The following MACF1 variants were observed in gnomAD, a reference collection of about 807,000 sequenced individuals.
MACF1 encodes microtubule actin crosslinking factor 1.
Under a neutral mutation model 854.8 loss-of-function variants are expected in MACF1, and 193 were observed. The observed-to-expected ratio is 0.23, with a 90% CI of 0.20 to 0.25. MACF1 has a LOEUF of 0.25. MACF1 is among the 10% of genes least tolerant of loss of function. MACF1 has a pLI of 1.00. For missense variants in MACF1, 7,722 were observed against 8,929.1 expected (o/e 0.86, Z 5.45); for synonymous variants, 3,185 against 3,226.7 (o/e 0.99, Z 0.44).
chr1:39,358,977 T>G (rs1445045327), intron 46 of MACF1, 104 bp downstream of exon 46: 1 of 1,428,792 alleles, frequency 7.0e-7, no homozygotes, highest in Non-Finnish European at 9.5e-7. Context: ...AGGCAGTGGT[T>G]GGGATGCCTT....
chr1:39,372,271 A>G lies in MACF1; in HGVS notation c.13096-208A>G, dbSNP rs576378505. 1.5e-3 allele frequency among the ~76,000 whole-genome samples: 232 copies of G among 152,364 alleles called. 1 individual carries two copies. The highest frequency in any genetic ancestry group is 5.2e-3 in the African/African-American group (217 of 41,592). On this transcript the variant is annotated intron_variant, in intron 51 of 100. Transcript: ENST00000564288. ...CTGAGCTTCTGGTTTTAGAAATTGT[A>G]TCATAATTCTATTTTGTACCCCAGT... is the stretch of plus-strand genomic sequence containing the variant.
intron 2 of MACF1, among the ~76,000 whole-genome samples, chr1:39,234,855 C>T (rs1644839358): frequency 2.1e-5 from 1 of 48,094 alleles, no homozygotes; most frequent in African/African-American, 4.3e-5. Context: ...AGGTGCTCCT[C>T]ACATCCCAGA....
chr1:39,481,823 G>T (rs1275860045), intron 99 of MACF1, among the ~76,000 whole-genome samples: 1 of 152,174 alleles, frequency 6.6e-6, no homozygotes, highest in African/African-American at 2.4e-5. Flanking sequence ...GTCTTGGAAA[G>T]CCTTAGCCAG....
chr1:39,382,230 G>C (rs1337884226), intron 56 of MACF1, 78 bp downstream of exon 56: 2 of 1,349,728 alleles, frequency 1.5e-6, no homozygotes, highest in Non-Finnish European at 2.1e-6. Flanking sequence ...TAGATTTCAT[G>C]TGATCCTGGA....
At position 39,385,598 on chromosome 1, in the gene MACF1, C is replaced by G. The variant is rs1193027722; in HGVS notation, c.14013C>G (p.Leu4671=). The G allele has an allele frequency of 6.2e-7, 1 of 1,614,156 alleles. No individual in the cohort carries two copies. Among genetic ancestry groups the G allele is most frequent in the Non-Finnish European group, 8.5e-7 (1 of 1,180,040 alleles). Residue 4671 remains leucine (L), a synonymous_variant, in exon 57 of 101, where the codon CTC becomes CTG. Coordinates refer to ENST00000564288, the MANE Select transcript of MACF1 (RefSeq NM_001394062.1). ...AATGGGTTGAGCTGACTGACAAACT[C>G]AACTCCCGTTCCAGCCAAATTGACC... ...NQKWVELTDK[L]NSRSSQIDQA... is the part of the protein sequence containing the mutation.
At chr1:39,302,547 G>A (rs758618635) in intron 22 of MACF1, among the ~76,000 whole-genome samples, 4 of 152,168 alleles carry the variant, frequency 2.6e-5, no homozygotes, top group Non-Finnish European at 5.9e-5. Context: ...ATAGGAAGTA[G>A]GGAGAGGAAA....
upstream of MACF1, among the ~76,000 whole-genome samples, chr1:39,201,873 C>T (rs183981668): frequency 2.3e-3 from 339 of 148,382 alleles, 5 homozygotes; most frequent in Non-Finnish European, 4.2e-3. Flanking sequence ...ACATAAGAAA[C>T]GTAATTCTGC....
intron 55 of MACF1, 23 bp from the exon 56 acceptor site, chr1:39,381,930 A>G: frequency 6.3e-7 from 1 of 1,576,446 alleles, no homozygotes; most frequent in South Asian, 1.1e-5. Flanking sequence ...AAAGGAATAC[A>G]TTCCCTCATT....
intron 97 of MACF1, among the ~76,000 whole-genome samples, chr1:39,477,070 T>TACATACAC (rs1224707870): frequency 2.3e-5 from 1 of 43,194 alleles, no homozygotes; most frequent in African/African-American, 1.4e-4. Context: ...TATATATATA[T>TACATACAC]ATATATATAT....
chr1:39,462,539 TC>T (rs1298356719), intron 93 of MACF1, among the ~76,000 whole-genome samples: 3 of 69,774 alleles, frequency 4.3e-5, no homozygotes, highest in South Asian at 6.3e-4. Context: ...ATTCTGTCTG[TC>T]CCCCCCGCCA....
In MACF1 at chr1:39,287,195, A is replaced by C; in HGVS notation, c.1509-91A>C. On this transcript the variant is annotated intron_variant, in intron 14 of 100. Transcript: ENST00000564288. ...AGGCTGGCTCATTTTTATTTTTATC[A>C]TATCTTTGTCAAATGGATAAGGAAG... 2.2e-6 allele frequency: 3 copies of C among 1,348,400 alleles called. No individual in the cohort carries two copies. In the South Asian group the frequency reaches 4.3e-5, roughly 19 times the overall value. The allele number at this position is 1,348,400 out of a possible 1,614,324, so 83.5% of individuals were successfully genotyped here.
At chr1:39,254,154 G>A (rs1209696083) in intron 4 of MACF1, 144 bp from the exon 5 acceptor site, 2 of 665,800 alleles carry the variant, frequency 3.0e-6, no homozygotes, top group Non-Finnish European at 5.2e-6. Context: ...GGTCTTAGGG[G>A]GTGCTTTGTG....
At chr1:39,291,749 G>A (rs189429692) in intron 15 of MACF1, among the ~76,000 whole-genome samples, 161 bp from the exon 16 acceptor site, 41 of 152,314 alleles carry the variant, frequency 2.7e-4, no homozygotes, top group South Asian at 1.0e-3. Flanking sequence ...CGGTGATGAT[G>A]GCGTAATTTT....
chr1:39,234,968 C>G (rs1295544041), intron 2 of MACF1, among the ~76,000 whole-genome samples: 6 of 151,738 alleles, frequency 4.0e-5, no homozygotes, highest in Admixed American at 3.9e-4. Context: ...AAGAGGTGCT[C>G]CTCACTTCCT....
intron 1 of MACF1, among the ~76,000 whole-genome samples, chr1:39,216,218 G>T (rs1175122167): frequency 6.6e-6 from 1 of 152,224 alleles, no homozygotes; most frequent in East Asian, 1.9e-4. Flanking sequence ...TTCTGAAATT[G>T]TCTCTCCTAC....
rs1436954841 is a variant in MACF1, at chr1:39,285,595, C to CT, written c.1354-8dup. ...GTTTTCCCACTGTTATTCTCTCTTC[C>CT]TGTCTCAGGATGCTGCTCACCTGGA... is the stretch of plus-strand genomic sequence containing the variant. On this transcript the variant is annotated splice_polypyrimidine_tract_variant and intron_variant, in intron 13 of 100. Transcript: ENST00000564288. The CT allele has an allele frequency of 6.2e-7, 1 of 1,612,274 alleles. No individual in the cohort carries two copies. Among genetic ancestry groups the CT allele is most frequent in the South Asian group, 1.1e-5 (1 of 91,042 alleles).
chr1:39,232,177 C>T (rs2148305041), intron 2 of MACF1, among the ~76,000 whole-genome samples: 1 of 149,032 alleles, frequency 6.7e-6, no homozygotes, highest in East Asian at 2.0e-4. Flanking sequence ...AAAAGAGAAA[C>T]CAAAACAGAG....
In MACF1 at chr1:39,424,099, C is replaced by G. The variant is rs750700182; in HGVS notation, c.16221C>G (p.Ala5407=). The G allele has an allele frequency of 6.2e-7, 1 of 1,612,152 alleles. No individual in the cohort carries two copies. The highest frequency in any genetic ancestry group is 2.2e-5 in the East Asian group (1 of 44,780). The change falls in exon 61 of 101, where the codon GCC becomes GCG. Residue 5407 remains alanine, a synonymous_variant. Coordinates refer to ENST00000564288, the MANE Select transcript of MACF1 (RefSeq NM_001394062.1). ...DMLQAEGGRI[A]QSAELADREK... ...TTCAAGCAGAAGGAGGCAGAATAGC[C>G]CAGTCAGCAGAGCTGGCTGATAGAG...
chr1:39,205,630 C>T (rs1367758328), intron 1 of MACF1, among the ~76,000 whole-genome samples: 2 of 151,934 alleles, frequency 1.3e-5, no homozygotes, highest in African/African-American at 4.8e-5. Context: ...AGGGGTCGTG[C>T]GATGTCCTTG....
Sources: allele counts gnomAD v4.1 joint callset (sites outside exome capture counted in the v4.1 genomes callset), GRCh38; gene constraint gnomAD v4.1.1; transcripts MANE v1.5; gene names NCBI Gene and HGNC (gene_info 2026-07-23, HGNC 2026-07-21).